NPAT: variants seen among roughly 807,000 people sequenced by gnomAD.
NPAT encodes protein NPAT.
NPAT carries 52 observed loss-of-function variants against 130.7 expected under a neutral mutation model. That is an observed-to-expected ratio of 0.40 (90% confidence interval 0.32 to 0.50). The LOEUF is 0.50. NPAT is among the 20% of genes least tolerant of loss of function. The probability of loss-of-function intolerance (pLI) is 0.68; values close to 1 mark genes in which losing one functional copy is unlikely to be tolerated. For missense variants in NPAT, 1,687 were observed against 1,662.6 expected (o/e 1.01, Z -0.26); for synonymous variants, 580 against 584.8 (o/e 0.99, Z 0.12).
At chr11:108,205,944 C>T (rs2078321082) in intron 1 of NPAT, among the ~76,000 whole-genome samples, 1 of 152,144 alleles carries the variant, frequency 6.6e-6, no homozygotes, top group Non-Finnish European at 1.5e-5. Context: ...ACTTGGGAAG[C>T]TGAGACATGA....
At chr11:108,205,056 C>A (rs748836119) in intron 1 of NPAT, among the ~76,000 whole-genome samples, 2 of 152,070 alleles carry the variant, frequency 1.3e-5, no homozygotes, top group Non-Finnish European at 2.9e-5. Context: ...CTAGACAGAC[C>A]ATAATCAAAC....
intron 1 of NPAT, among the ~76,000 whole-genome samples, chr11:108,220,773 T>C (rs1163801592): frequency 6.6e-6 from 1 of 152,168 alleles, no homozygotes; most frequent in African/African-American, 2.4e-5. Flanking sequence ...TTAGTAAGAA[T>C]AGAATTATCT....
intron 1 of NPAT, among the ~76,000 whole-genome samples, chr11:108,206,289 C>A (rs2078324610): frequency 6.6e-6 from 1 of 152,124 alleles, no homozygotes. Context: ...CTGAGTTTTG[C>A]TAGGGCCTGC....
At chr11:108,214,879 C>G (rs1350616992) in intron 1 of NPAT, among the ~76,000 whole-genome samples, 1 of 152,024 alleles carries the variant, frequency 6.6e-6, no homozygotes, top group African/African-American at 2.4e-5. Context: ...GTGATTTGCC[C>G]GCCTCGGCCT....
At chr11:108,210,482 A>G (rs915121022) in intron 1 of NPAT, among the ~76,000 whole-genome samples, 1 of 152,298 alleles carries the variant, frequency 6.6e-6, no homozygotes, top group Admixed American at 6.5e-5. Flanking sequence ...ACCTTCTGCC[A>G]TGATTGTTAA....
At position 108,158,933 on chromosome 11, in the gene NPAT, C is replaced by A; in HGVS notation, c.*9G>T. On this transcript the variant is annotated 3_prime_UTR_variant, in exon 18 of 18. Coordinates refer to ENST00000278612, the MANE Select transcript of NPAT (RefSeq NM_002519.3). ...TTTAACACCTACTGTTCTTATGTGT[C>A]CAGAATGTTTACTCATCATAATGCA... 2 of 1,546,428 alleles carry A rather than the reference C, an allele frequency of 1.3e-6. No homozygotes were observed. Among genetic ancestry groups the A allele is most frequent in the South Asian group, 1.1e-5 (1 of 89,694 alleles).
chr11:108,181,009 G>C (rs2078053073), intron 10 of NPAT, among the ~76,000 whole-genome samples: 1 of 152,182 alleles, frequency 6.6e-6, no homozygotes, highest in East Asian at 1.9e-4. Flanking sequence ...ACAGAAAGTA[G>C]AATGGTGGTT....
chr11:108,186,411 C>T lies in NPAT; in HGVS notation c.726+71G>A. The T allele has an allele frequency of 1.0e-5, 11 of 1,099,492 alleles. No homozygotes were observed. In the South Asian group the frequency reaches 1.0e-4, roughly 10 times the overall value. 68.1% of individuals were successfully genotyped at this position (1,099,492 alleles called of 1,614,324 possible). On this transcript the variant is annotated intron_variant, in intron 8 of 17. Transcript: ENST00000278612. ...TATTTGATACATACACACATACATA[C>T]ATTTGTGTATATATCTGTATTTTTA...
rs184546012 is a variant in NPAT, at chr11:108,160,395, T to C, written c.4206+485A>G. Among the ~76,000 whole-genome samples the C allele has an allele frequency of 2.0e-5, 3 of 151,944 alleles. No individual in the cohort carries two copies. The East Asian group carries it at 5.8e-4, about 29-fold the overall frequency. The stretch of plus-strand genomic sequence containing the variant: ...ATATGCTAACATTTTTAAGGGCCTA[T>C]GGAAGAGATTACAAGACGTGGGGGA... On this transcript the variant is annotated intron_variant, in intron 17 of 17. Coordinates refer to ENST00000278612, the MANE Select transcript of NPAT (RefSeq NM_002519.3).
chr11:108,196,911 A>C (rs1370551781), intron 2 of NPAT, among the ~76,000 whole-genome samples: 4 of 152,232 alleles, frequency 2.6e-5, no homozygotes, highest in Admixed American at 2.0e-4. Context: ...ACTATGTACC[A>C]AATGATGGTT....
At chr11:108,200,220 A>T (rs2078262369) in intron 1 of NPAT, among the ~76,000 whole-genome samples, 1 of 152,184 alleles carries the variant, frequency 6.6e-6, no homozygotes, top group Non-Finnish European at 1.5e-5. Context: ...TTTGCTATGT[A>T]AGAGACTGAT....
intron 6 of NPAT, 76 bp downstream of exon 6, chr11:108,189,030 T>C: frequency 8.6e-7 from 1 of 1,168,884 alleles, no homozygotes; most frequent in Non-Finnish European, 1.3e-6. Context: ...ACTATGAGTA[T>C]AAAGACATTA....
Position 108,176,230 on chromosome 11 carries a change from A to G in NPAT, c.1132+16T>C, listed in dbSNP as rs373245911. On this transcript the variant is annotated intron_variant, in intron 12 of 17. Coordinates refer to ENST00000278612, the MANE Select transcript of NPAT (RefSeq NM_002519.3). ...TAAGATTTGGATTGATGATATTAAC[A>G]AAATTAAATTCTTACCAGATTCTTC... 3.9e-6 allele frequency: 6 copies of G among 1,546,866 alleles called. No homozygotes were observed. The African/African-American group carries it at 8.1e-5, about 21-fold the overall frequency.
Position 108,203,804 on chromosome 11 carries a change from T to C in NPAT, c.38-6384A>G, listed in dbSNP as rs145338332. 2.1e-3 allele frequency among the ~76,000 whole-genome samples: 320 copies of C among 152,388 alleles called. 3 individuals carry two copies. Among genetic ancestry groups the C allele is most frequent in the African/African-American group, 6.6e-3 (274 of 41,586 alleles). ...CACTAGGGTGAAACAGCTCTAGCCA[T>C]AACATTGTTTCAGCATGTTTAGTCT... On this transcript the variant is annotated intron_variant, in intron 1 of 17. Coordinates refer to ENST00000278612, the MANE Select transcript of NPAT (RefSeq NM_002519.3).
At position 108,157,296 on chromosome 11, in the gene NPAT, A is replaced by G. The variant is rs2077806658; in HGVS notation, c.*1646T>C. Reference sequence around the variant, plus strand: ...TGAATTGAATAAGAAGAAAACTGTGATTTTCAGCATTGTACAAACTCCCAA... The same window carrying G: ...TGAATTGAATAAGAAGAAAACTGTGGTTTTCAGCATTGTACAAACTCCCAA... On this transcript the variant is annotated 3_prime_UTR_variant, in exon 18 of 18. Coordinates refer to ENST00000278612, the MANE Select transcript of NPAT (RefSeq NM_002519.3). 1 of 152,174 alleles carries G rather than the reference A, an allele frequency of 6.6e-6. No homozygotes were observed. Among genetic ancestry groups the G allele is most frequent in the African/African-American group, 2.4e-5 (1 of 41,456 alleles). The allele number at this position is 152,174 out of a possible 1,614,324, so 9.4% of individuals were successfully genotyped here. A position where few individuals can be genotyped will look rare whatever the true frequency, so the allele number is the denominator to read the frequency against.
intron 3 of NPAT, 35 bp from the exon 4 acceptor site, chr11:108,192,225 A>T (rs372287921): frequency 7.4e-7 from 1 of 1,342,854 alleles, no homozygotes; most frequent in Non-Finnish European, 1.1e-6. Flanking sequence ...TAATAAACCC[A>T]GCTGAAGAAA....
At chr11:108,181,622 G>C (rs1264113229) in intron 10 of NPAT, among the ~76,000 whole-genome samples, 2 of 151,870 alleles carry the variant, frequency 1.3e-5, no homozygotes, top group Non-Finnish European at 2.9e-5. Context: ...TCCCCTTTGG[G>C]CTTCAAAATG....
At chr11:108,186,736 A>G (rs957575473) in intron 7 of NPAT, among the ~76,000 whole-genome samples, 167 bp from the exon 8 acceptor site, 2 of 152,208 alleles carry the variant, frequency 1.3e-5, no homozygotes, top group African/African-American at 2.4e-5. Flanking sequence ...CAAAATCCAC[A>G]TGTACTCAAG....
Position 108,185,102 on chromosome 11 carries a change from C to A in NPAT, c.906+130G>T, listed in dbSNP as rs116455961. The A allele has an allele frequency of 3.1e-3, 2,277 of 729,618 alleles. 38 individuals carry two copies. The African/African-American group carries it at 0.034, about 11-fold the overall frequency. The allele number at this position is 729,618 out of a possible 1,614,324, so 45.2% of individuals were successfully genotyped here. A position where few individuals can be genotyped will look rare whatever the true frequency, so the allele number is the denominator to read the frequency against. The stretch of plus-strand genomic sequence containing the variant: ...AAAGTTTTATCTTACTATTGTAAAT[C>A]ATTTTATCTAATTAGATGGCAAATC... On this transcript the variant is annotated intron_variant, in intron 10 of 17. Coordinates refer to ENST00000278612, the MANE Select transcript of NPAT (RefSeq NM_002519.3).
Sources: allele counts gnomAD v4.1 joint callset (sites outside exome capture counted in the v4.1 genomes callset), GRCh38; gene constraint gnomAD v4.1.1; transcripts MANE v1.5; gene names NCBI Gene and HGNC (gene_info 2026-07-23, HGNC 2026-07-21).